Variants in LARGE1 observed in about 807,000 individuals in gnomAD.
LARGE1 encodes the protein LARGE xylosyl- and glucuronyltransferase 1.
Under a neutral mutation model 87.6 loss-of-function variants are expected in LARGE1, and 43 were observed. That is an observed-to-expected ratio of 0.49 (90% confidence interval 0.38 to 0.63). The LOEUF (loss-of-function observed/expected upper bound fraction) is 0.63. Ranked by LOEUF, LARGE1 falls within the 30% of genes least tolerant of loss-of-function variation. The pLI is 0.00. For missense variants in LARGE1, 802 were observed against 1,000.2 expected (o/e 0.80, Z 2.67); for synonymous variants, 434 against 394.6 (o/e 1.10, Z -1.18).
At chr22:33,155,534 G>A in the LARGE1 span, among the ~76,000 whole-genome samples, 1 of 152,116 alleles carries the variant, frequency 6.6e-6, no homozygotes, top group South Asian at 2.1e-4. Context: ...AGGGTTTCTG[G>A]TGGAAGAAAT....
upstream of LARGE1, chr22:33,922,805 G>T (rs773981809): frequency 6.6e-6 from 1 of 152,252 alleles, no homozygotes; most frequent in Non-Finnish European, 1.5e-5. Flanking sequence ...TTCCTCTGAC[G>T]TGCAGCTCTG....
At chr22:33,918,914 C>A (rs541729023) in intron 1 of LARGE1, among the ~76,000 whole-genome samples, 127 of 66,308 alleles carry the variant, frequency 1.9e-3, no homozygotes, top group Middle Eastern at 7.1e-3. Context: ...GATCTCCCCC[C>A]ACTCCCTCCT....
intron 11 of LARGE1, among the ~76,000 whole-genome samples, chr22:33,256,515 G>A (rs1927277600): frequency 6.6e-6 from 1 of 152,158 alleles, no homozygotes; most frequent in African/African-American, 2.4e-5. Context: ...TGGATAGCTT[G>A]CAACATTGGC....
chr22:33,428,656 C>G (rs1383279242), intron 7 of LARGE1, among the ~76,000 whole-genome samples: 1 of 144,806 alleles, frequency 6.9e-6, no homozygotes, highest in Non-Finnish European at 1.5e-5. Context: ...GGCACGGTGG[C>G]TCATGCCTGT....
chr22:33,128,730 TGC>T, the LARGE1 span, among the ~76,000 whole-genome samples: 2 of 59,130 alleles, frequency 3.4e-5, no homozygotes, highest in Non-Finnish European at 7.3e-5. Context: ...GAAAAGAAAG[TGC>T]GGTACATATA....
chr22:33,348,767 T>C (rs1601544791), intron 9 of LARGE1, among the ~76,000 whole-genome samples: 1 of 152,156 alleles, frequency 6.6e-6, no homozygotes, highest in East Asian at 1.9e-4. Context: ...TTCTCCTCCT[T>C]TCAGACTGGA....
chr22:33,461,774 T>C (rs1004725159), intron 6 of LARGE1, among the ~76,000 whole-genome samples: 1 of 151,736 alleles, frequency 6.6e-6, no homozygotes, highest in Admixed American at 6.6e-5. Context: ...TTGTTTACTC[T>C]CTTTGGGAGA....
chr22:33,731,191 G>C (rs1315282149), intron 2 of LARGE1, among the ~76,000 whole-genome samples: 1 of 151,584 alleles, frequency 6.6e-6, no homozygotes, highest in Non-Finnish European at 1.5e-5. Flanking sequence ...TTTCAGTAGA[G>C]ACGGGGTTTC....
At chr22:33,300,099 A>C (rs565905910) in intron 12 of LARGE1, among the ~76,000 whole-genome samples, 1 of 152,304 alleles carries the variant, frequency 6.6e-6, no homozygotes, top group South Asian at 2.1e-4. Context: ...GTACAAGCCG[A>C]GGGCTGCCAG....
chr22:33,472,478 T>C (rs1453688674), intron 6 of LARGE1, among the ~76,000 whole-genome samples: 1 of 152,112 alleles, frequency 6.6e-6, no homozygotes, highest in Non-Finnish European at 1.5e-5. Context: ...AGTGGGGTAT[T>C]TTGGAAACCT....
intron 6 of LARGE1, among the ~76,000 whole-genome samples, chr22:33,515,099 C>G (rs543884073): frequency 1.3e-5 from 2 of 151,780 alleles, no homozygotes; most frequent in South Asian, 4.2e-4. Flanking sequence ...TGAACCCCTC[C>G]CATTTCAGCA....
chr22:33,495,734 G>A (rs1162422080), intron 6 of LARGE1, among the ~76,000 whole-genome samples: 1 of 151,934 alleles, frequency 6.6e-6, no homozygotes, highest in Non-Finnish European at 1.5e-5. Context: ...AAACAAAACA[G>A]AACAAAACAA....
intron 1 of LARGE1, among the ~76,000 whole-genome samples, chr22:33,885,971 A>G (rs1187458089): frequency 6.6e-6 from 1 of 152,086 alleles, no homozygotes; most frequent in East Asian, 1.9e-4. Context: ...CAGAGATTGC[A>G]GTGAGCCGAG....
chr22:33,353,399 CTTTTTTT>C (rs879900631), intron 9 of LARGE1, among the ~76,000 whole-genome samples: 3 of 138,836 alleles, frequency 2.2e-5, no homozygotes, highest in Non-Finnish European at 4.7e-5. Flanking sequence ...TTCTTTTTTT[CTTTTTTT>C]TTTTTTGCCT....
intron 6 of LARGE1, among the ~76,000 whole-genome samples, chr22:33,503,520 G>A (rs1224638782): frequency 6.6e-6 from 1 of 152,152 alleles, no homozygotes; most frequent in East Asian, 1.9e-4. Context: ...TTTTATGTGA[G>A]TGTTTATAGC....
At chr22:33,438,623 C>T (rs1261530666) in intron 6 of LARGE1, among the ~76,000 whole-genome samples, 3 of 152,026 alleles carry the variant, frequency 2.0e-5, no homozygotes, top group Admixed American at 2.0e-4. Flanking sequence ...TGGCTCAAGG[C>T]CCGGCTCCTG....
chr22:33,350,740 A>C (rs1940293354), intron 9 of LARGE1, among the ~76,000 whole-genome samples: 1 of 152,180 alleles, frequency 6.6e-6, no homozygotes, highest in South Asian at 2.1e-4. Flanking sequence ...TCTGCCCCGC[A>C]TCACCGCCCT....
At chr22:33,764,989 TCA>T (rs1481516215) in intron 1 of LARGE1, among the ~76,000 whole-genome samples, 1 of 152,172 alleles carries the variant, frequency 6.6e-6, no homozygotes, top group East Asian at 1.9e-4. Flanking sequence ...AACATTAAAA[TCA>T]CAATTTTTGT....
intron 1 of LARGE1, among the ~76,000 whole-genome samples, chr22:33,890,476 A>G (rs2064976136): frequency 1.3e-5 from 2 of 152,164 alleles, no homozygotes; most frequent in Non-Finnish European, 2.9e-5. Context: ...TCACAAATGA[A>G]AAAACTGAGG....
Sources: gnomAD v4.1 joint callset for allele counts (sites outside exome capture counted in the v4.1 genomes callset) on GRCh38, gnomAD v4.1.1 for gene constraint, MANE v1.5 for transcripts, NCBI Gene and HGNC (gene_info 2026-07-23, HGNC 2026-07-21) for gene names.